LRRC37A2: variants seen among roughly 807,000 people sequenced by gnomAD.
LRRC37A2 encodes leucine-rich repeat-containing protein 37A2.
A neutral mutation model predicts 68.8 loss-of-function variants in LRRC37A2; 9 were observed. The ratio of observed to expected loss-of-function variants is 0.13; its 90% CI spans 0.08 to 0.23. The LOEUF (loss-of-function observed/expected upper bound fraction) is 0.23. Among genes scored for constraint, LRRC37A2 ranks in the 10% least tolerant of loss-of-function variants. The pLI, the probability that LRRC37A2 is intolerant of heterozygous loss-of-function variation, is 1.00. For synonymous variants in LRRC37A2, 63 were observed against 367.6 expected, an observed-to-expected ratio of 0.17 and a Z score of 9.48; for missense variants, 168 against 950.4, an observed-to-expected ratio of 0.18 and a Z score of 10.82.
the LRRC37A2 span, among the ~76,000 whole-genome samples, chr17:46,837,606 A>G: frequency 6.6e-6 from 1 of 152,162 alleles, no homozygotes; most frequent in African/African-American, 2.4e-5. Flanking sequence ...AATAAACGCT[A>G]GAGGTGGGAT....
the LRRC37A2 span, among the ~76,000 whole-genome samples, chr17:46,787,889 G>A: frequency 3.3e-5 from 5 of 151,624 alleles, no homozygotes; most frequent in Non-Finnish European, 7.4e-5. Flanking sequence ...CTGGGAGGCA[G>A]AGGTTTCAGT....
the LRRC37A2 span, among the ~76,000 whole-genome samples, chr17:46,744,046 G>A: frequency 6.6e-6 from 1 of 152,004 alleles, no homozygotes; most frequent in Admixed American, 6.6e-5. Context: ...GCAGTACTAC[G>A]GATAACCTTC....
At chr17:46,779,272 G>T in the LRRC37A2 span, among the ~76,000 whole-genome samples, 1 of 152,164 alleles carries the variant, frequency 6.6e-6, no homozygotes. Flanking sequence ...CCTTGGTTCC[G>T]CTGAGGAAGT....
At chr17:46,943,207 G>A in the LRRC37A2 span, among the ~76,000 whole-genome samples, 1 of 152,106 alleles carries the variant, frequency 6.6e-6, no homozygotes, top group Non-Finnish European at 1.5e-5. Context: ...GACCAACTAG[G>A]GGCAGGGATG....
chr17:46,614,406 GACAA>G, the LRRC37A2 span, among the ~76,000 whole-genome samples: 3 of 48,196 alleles, frequency 6.2e-5, no homozygotes, highest in Non-Finnish European at 9.2e-5. Context: ...AACATAGCAA[GACAA>G]ACAAATGAAA....
chr17:46,977,727 A>G, the LRRC37A2 span, among the ~76,000 whole-genome samples: 2 of 152,242 alleles, frequency 1.3e-5, no homozygotes, highest in East Asian at 1.9e-4. Context: ...TCTGTCCGCT[A>G]TAAGGGTAGG....
chr17:47,044,872 C>T, the LRRC37A2 span, among the ~76,000 whole-genome samples: 5 of 140,880 alleles, frequency 3.5e-5, no homozygotes, highest in Non-Finnish European at 6.2e-5. Context: ...ATTAGCCAGG[C>T]GTGGTGGCAC....
At chr17:46,778,292 A>G in the LRRC37A2 span, among the ~76,000 whole-genome samples, 4 of 152,212 alleles carry the variant, frequency 2.6e-5, no homozygotes, top group African/African-American at 9.6e-5. Flanking sequence ...GTGGCAGAAC[A>G]AAGACAGTTG....
the LRRC37A2 span, among the ~76,000 whole-genome samples, chr17:47,011,127 A>G: frequency 6.6e-6 from 1 of 152,176 alleles, no homozygotes; most frequent in Admixed American, 6.5e-5. Context: ...AAGCCGCCTG[A>G]CACTTGAAGG....
the LRRC37A2 span, among the ~76,000 whole-genome samples, chr17:46,913,871 T>C: frequency 6.6e-6 from 1 of 152,220 alleles, no homozygotes; most frequent in Admixed American, 6.5e-5. Flanking sequence ...GTGATTCTCC[T>C]GCCTCAGCCT....
At chr17:46,497,419 GTGTTA>G in the LRRC37A2 span, among the ~76,000 whole-genome samples, 1 of 144,888 alleles carries the variant, frequency 6.9e-6, no homozygotes, top group Non-Finnish European at 1.5e-5. Context: ...ATATTTTTTA[GTGTTA>G]TGTTTTATTA....
At chr17:46,843,141 G>A in the LRRC37A2 span, among the ~76,000 whole-genome samples, 1 of 152,226 alleles carries the variant, frequency 6.6e-6, no homozygotes, top group Non-Finnish European at 1.5e-5. Context: ...CAGAGAGGGA[G>A]AAACTAGGGT....
the LRRC37A2 span, among the ~76,000 whole-genome samples, chr17:46,815,980 C>G: frequency 1.3e-5 from 2 of 152,176 alleles, no homozygotes; most frequent in Non-Finnish European, 2.9e-5. Flanking sequence ...ACAGCCCTCA[C>G]ACAGCTATGG....
chr17:46,872,688 C>T, the LRRC37A2 span: 2 of 1,613,620 alleles, frequency 1.2e-6, no homozygotes, highest in Admixed American at 1.7e-5. Context: ...ATGCTGCGCA[C>T]CTCGGCCTGC....
At chr17:46,873,584 C>G in the LRRC37A2 span, among the ~76,000 whole-genome samples, 1 of 152,158 alleles carries the variant, frequency 6.6e-6, no homozygotes, top group African/African-American at 2.4e-5. Context: ...CTAGCCTGGG[C>G]GCAGTGGCTT....
At chr17:46,392,393 C>CTCTT in the LRRC37A2 span, among the ~76,000 whole-genome samples, 3 of 57,090 alleles carry the variant, frequency 5.3e-5, 1 homozygote, top group African/African-American at 1.0e-4. Context: ...CTTTCTTTCT[C>CTCTT]TCTTTCTTTC....
chr17:46,711,132 G>T, the LRRC37A2 span: 23 of 1,490,896 alleles, frequency 1.5e-5, no homozygotes, highest in Non-Finnish European at 2.0e-5. Flanking sequence ...GAGAATGAAT[G>T]AGGAGATGGC....
At chr17:46,921,443 C>T in the LRRC37A2 span, among the ~76,000 whole-genome samples, 1 of 152,232 alleles carries the variant, frequency 6.6e-6, no homozygotes, top group Non-Finnish European at 1.5e-5. Context: ...ATGTCTAAAA[C>T]ACCAAAAGCA....
the LRRC37A2 span, among the ~76,000 whole-genome samples, chr17:46,782,186 T>C: frequency 2.0e-5 from 3 of 152,202 alleles, no homozygotes; most frequent in African/African-American, 7.2e-5. Context: ...CCTTTCTCCA[T>C]GCGGAAATCT....
Sources: allele counts gnomAD v4.1 joint callset (sites outside exome capture counted in the v4.1 genomes callset), GRCh38; gene constraint gnomAD v4.1.1; transcripts MANE v1.5; gene names NCBI Gene and HGNC (gene_info 2026-07-23, HGNC 2026-07-21).